The following PTPN13 variants were observed in gnomAD, a reference collection of about 807,000 sequenced individuals.
The protein encoded by PTPN13 is protein tyrosine phosphatase non-receptor type 13, also known as tyrosine-protein phosphatase non-receptor type 13.
In PTPN13, 191 loss-of-function variants were observed where a neutral mutation model predicts 284.0. The ratio of observed to expected loss-of-function variants is 0.67; its 90% CI spans 0.60 to 0.76. The LOEUF (loss-of-function observed/expected upper bound fraction) is 0.76. Among genes scored for constraint, PTPN13 ranks in the 30% least tolerant of loss-of-function variants. The pLI is 0.00. For missense variants in PTPN13, 2,797 were observed against 2,939.9 expected, an observed-to-expected ratio of 0.95 and a Z score of 1.12; for synonymous variants, 986 against 1,022.3, an observed-to-expected ratio of 0.96 and a Z score of 0.68.
At chr4:86,792,841 C>A (rs1159696505) in intron 40 of PTPN13, among the ~76,000 whole-genome samples, 3 of 152,176 alleles carry the variant, frequency 2.0e-5, no homozygotes, top group African/African-American at 7.2e-5. Context: ...GCCTGCCTAA[C>A]AAGAACTCCT....
At chr4:86,626,631 G>A (rs1444968528) in intron 1 of PTPN13, among the ~76,000 whole-genome samples, 1 of 152,134 alleles carries the variant, frequency 6.6e-6, no homozygotes, top group African/African-American at 2.4e-5. Flanking sequence ...AGAGTGCAAA[G>A]ATGCTGGAAC....
At chr4:86,777,599 C>T (rs758844529) in intron 35 of PTPN13, among the ~76,000 whole-genome samples, 3 of 150,414 alleles carry the variant, frequency 2.0e-5, no homozygotes, top group Non-Finnish European at 3.0e-5. Flanking sequence ...ATTATTCTGC[C>T]TACCACAATT....
intron 3 of PTPN13, among the ~76,000 whole-genome samples, chr4:86,685,745 T>C (rs189703719): frequency 6.6e-5 from 10 of 152,302 alleles, no homozygotes; most frequent in Admixed American, 5.2e-4. Context: ...CAAAAACATG[T>C]GGAAAAACTC....
At chr4:86,751,148 C>G in intron 19 of PTPN13, 24 bp downstream of exon 19, 1 of 1,470,446 alleles carries the variant, frequency 6.8e-7, no homozygotes, top group Non-Finnish European at 9.5e-7. Context: ...AGCTTACCTT[C>G]TTTGTCCCAT....
intron 2 of PTPN13, among the ~76,000 whole-genome samples, chr4:86,650,778 T>C (rs1311657091): frequency 2.6e-5 from 4 of 152,230 alleles, no homozygotes; most frequent in Non-Finnish European, 5.9e-5. Context: ...TTGTATCCCT[T>C]AACTTTACTG....
Position 86,701,225 on chromosome 4 carries a change from A to G in PTPN13, c.635-16A>G, listed in dbSNP as rs775644157. 7 of 1,514,900 alleles carry G rather than the reference A, an allele frequency of 4.6e-6. No homozygotes were observed. The South Asian group carries it at 5.3e-5, about 12-fold the overall frequency. The allele number at this position is 1,514,900 out of a possible 1,614,324, so 93.8% of individuals were successfully genotyped here. The stretch of plus-strand genomic sequence containing the variant: ...TAAAAATTGTGTGCATACATGATAG[A>G]TTCTTATCATTCCAGGAAGAAGCTC... On this transcript the variant is annotated splice_polypyrimidine_tract_variant and intron_variant, in intron 6 of 47. Coordinates refer to ENST00000411767, the MANE Select transcript of PTPN13 (RefSeq NM_080683.3).
At chr4:86,649,910 A>T (rs1478470531) in intron 2 of PTPN13, among the ~76,000 whole-genome samples, 3 of 152,202 alleles carry the variant, frequency 2.0e-5, no homozygotes, top group African/African-American at 7.2e-5. Context: ...TTTAAGCAAT[A>T]TTGATTAGTC....
At chr4:86,776,225 C>T (rs1370181254) in intron 35 of PTPN13, among the ~76,000 whole-genome samples, 2 of 152,214 alleles carry the variant, frequency 1.3e-5, no homozygotes, top group South Asian at 2.1e-4. Context: ...GGATTACAGG[C>T]GTGAGCCACC....
intron 9 of PTPN13, among the ~76,000 whole-genome samples, chr4:86,717,772 G>C (rs556336562): frequency 1.7e-4 from 26 of 152,214 alleles, no homozygotes; most frequent in Non-Finnish European, 3.4e-4. Context: ...TGAAAGGTTG[G>C]AATAGTCTCA....
At chr4:86,642,770 A>G (rs1723965123) in intron 2 of PTPN13, among the ~76,000 whole-genome samples, 1 of 151,486 alleles carries the variant, frequency 6.6e-6, no homozygotes, top group Non-Finnish European at 1.5e-5. Flanking sequence ...CACCTTTTTA[A>G]CTGATTGAGA....
intron 17 of PTPN13, among the ~76,000 whole-genome samples, chr4:86,747,817 A>C (rs1329365198): frequency 6.6e-6 from 1 of 152,200 alleles, no homozygotes; most frequent in African/African-American, 2.4e-5. Context: ...GTTTATTTGT[A>C]CTACAAGTGA....
chr4:86,803,855 G>A lies in PTPN13; in HGVS notation c.6652G>A (p.Glu2218Lys), dbSNP rs1364657982. ...TCAAGGAATTCCTTCTAAGGAGCTG[G>A]AGGTAAGTGGCTTCTGCCAATGATT... is the stretch of plus-strand genomic sequence containing the variant. ...LDQGIPSKELENLQELKPLDQ... is the reference protein window; with the variant it reads ...LDQGIPSKELKNLQELKPLDQ... The change falls in exon 43 of 48, where the codon GAG becomes AAG. Residue 2218 changes from glutamate to lysine, a missense_variant and splice_region_variant. Physicochemically the swap from Glu to Lys is moderately conservative, Grantham distance 56. Coordinates refer to ENST00000411767, the MANE Select transcript of PTPN13 (RefSeq NM_080683.3). The A allele has an allele frequency of 6.2e-7, 1 of 1,612,944 alleles. No homozygotes were observed. The highest frequency in any genetic ancestry group is 1.7e-5 in the Admixed American group (1 of 59,980).
At chr4:86,602,589 C>T (rs1321695610) in intron 1 of PTPN13, among the ~76,000 whole-genome samples, 2 of 152,014 alleles carry the variant, frequency 1.3e-5, no homozygotes, top group South Asian at 4.2e-4. Context: ...TTCCAGTCAT[C>T]GCTTGGGCTT....
intron 40 of PTPN13, among the ~76,000 whole-genome samples, chr4:86,791,148 T>C (rs2149335833): frequency 6.6e-6 from 1 of 152,260 alleles, no homozygotes; most frequent in East Asian, 1.9e-4. Flanking sequence ...CCAAACACTG[T>C]GCTTTTCCCA....
chr4:86,706,467 G>A (rs553707499), intron 7 of PTPN13, among the ~76,000 whole-genome samples: 50 of 152,272 alleles, frequency 3.3e-4, no homozygotes, highest in African/African-American at 1.1e-3. Context: ...GGCACTTTTG[G>A]TTTTTTCTGT....
intron 4 of PTPN13, among the ~76,000 whole-genome samples, chr4:86,687,215 A>G (rs985793674): frequency 6.6e-6 from 1 of 152,208 alleles, no homozygotes; most frequent in African/African-American, 2.4e-5. Flanking sequence ...GTGTTGTATT[A>G]GAGAATGTCA....
intron 15 of PTPN13, among the ~76,000 whole-genome samples, chr4:86,739,956 A>G (rs1057217643): frequency 2.6e-5 from 4 of 152,200 alleles, no homozygotes; most frequent in East Asian, 3.9e-4. Context: ...CTTTGACTGC[A>G]TGTCTCACAT....
chr4:86,612,244 CAAA>C (rs1719980508), intron 1 of PTPN13, among the ~76,000 whole-genome samples: 1 of 151,884 alleles, frequency 6.6e-6, no homozygotes, highest in African/African-American at 2.4e-5. Context: ...TTCAGGCACA[CAAA>C]GAAGCAGGAA....
intron 28 of PTPN13, among the ~76,000 whole-genome samples, chr4:86,768,295 A>G (rs778556140): frequency 6.6e-6 from 1 of 152,214 alleles, no homozygotes; most frequent in Non-Finnish European, 1.5e-5. Flanking sequence ...CTTCAAACCC[A>G]TGGGAAACCT....
Sources: allele counts gnomAD v4.1 joint callset (sites outside exome capture counted in the v4.1 genomes callset), GRCh38; gene constraint gnomAD v4.1.1; transcripts MANE v1.5; gene names NCBI Gene and HGNC (gene_info 2026-07-23, HGNC 2026-07-21).